LYST: variants seen among roughly 807,000 people sequenced by gnomAD.
LYST encodes the protein lysosomal trafficking regulator.
Under a neutral mutation model 413.6 loss-of-function variants are expected in LYST, and 192 were observed. The observed-to-expected ratio is 0.46, with a 90% CI of 0.41 to 0.52. The LOEUF (loss-of-function observed/expected upper bound fraction) is 0.52. Among genes scored for constraint, LYST ranks in the 20% least tolerant of loss-of-function variants. The pLI, the probability that LYST is intolerant of heterozygous loss-of-function variation, is 0.00. For synonymous variants in LYST, 1,525 were observed against 1,567.3 expected (o/e 0.97, Z 0.64); for missense variants, 3,815 against 4,499.9 (o/e 0.85, Z 4.35).
intron 5 of LYST, among the ~76,000 whole-genome samples, chr1:235,807,624 A>G (rs1177705363): frequency 6.6e-6 from 1 of 152,202 alleles, no homozygotes; most frequent in Non-Finnish European, 1.5e-5. Context: ...AGATATTGAT[A>G]GGTTATTTTT....
chr1:235,733,703 AT>A lies in LYST; in HGVS notation c.8613-13del. ...GACGCTGAAAGAGACTAAACAAATA[AT>A]AAGATTGTCCATAGTTAAGCATACA... On this transcript the variant is annotated splice_polypyrimidine_tract_variant and intron_variant, in intron 33 of 52. Coordinates refer to ENST00000389793, the MANE Select transcript of LYST (RefSeq NM_000081.4). 1 of 1,605,672 alleles carries A rather than the reference AT, an allele frequency of 6.2e-7. No individual in the cohort carries two copies.
chr1:235,838,610 TA>T (rs1676835444), intron 1 of LYST, among the ~76,000 whole-genome samples: 1 of 152,238 alleles, frequency 6.6e-6, no homozygotes, highest in Non-Finnish European at 1.5e-5. Flanking sequence ...TTTTAAATTT[TA>T]GAACATTATT....
chr1:235,861,874 CTTCAT>C (rs1679923863), intron 1 of LYST, among the ~76,000 whole-genome samples: 1 of 152,186 alleles, frequency 6.6e-6, no homozygotes, highest in East Asian at 1.9e-4. Context: ...TTTAGAAGAT[CTTCAT>C]TTAACATGTG....
chr1:235,721,884 T>C (rs1180184688), intron 39 of LYST, among the ~76,000 whole-genome samples: 1 of 152,210 alleles, frequency 6.6e-6, no homozygotes, highest in Non-Finnish European at 1.5e-5. Context: ...AAGTAAAGAC[T>C]TGGCATTCTA....
intron 3 of LYST, among the ~76,000 whole-genome samples, chr1:235,824,849 G>A (rs1424320482): frequency 6.6e-6 from 1 of 151,958 alleles, no homozygotes; most frequent in African/African-American, 2.4e-5. Context: ...GTGAAACCCC[G>A]TCTCTACTAA....
intron 38 of LYST, among the ~76,000 whole-genome samples, chr1:235,726,164 G>T (rs1663848356): frequency 6.6e-6 from 1 of 151,764 alleles, no homozygotes; most frequent in Non-Finnish European, 1.5e-5. Context: ...TTACTCTTCT[G>T]TGTTGACTAA....
chr1:235,687,438 G>A (rs540745866), intron 47 of LYST, among the ~76,000 whole-genome samples: 3 of 152,020 alleles, frequency 2.0e-5, no homozygotes, highest in Non-Finnish European at 4.4e-5. Flanking sequence ...TATTTTCCTC[G>A]TTTTATGTCT....
Position 235,733,696 on chromosome 1 carries a change from A to G in LYST, c.8613-5T>C. 5 of 1,609,120 alleles carry G rather than the reference A, an allele frequency of 3.1e-6. No homozygotes were observed. Among genetic ancestry groups the G allele is most frequent in the Non-Finnish European group, 4.3e-6 (5 of 1,175,520 alleles). On this transcript the variant is annotated splice_polypyrimidine_tract_variant and splice_region_variant and intron_variant, in intron 33 of 52. Coordinates refer to ENST00000389793, the MANE Select transcript of LYST (RefSeq NM_000081.4). Reference sequence around the variant, plus strand: ...GAATCCAGACGCTGAAAGAGACTAAACAAATAATAAGATTGTCCATAGTTA... The same window carrying G: ...GAATCCAGACGCTGAAAGAGACTAAGCAAATAATAAGATTGTCCATAGTTA...
intron 3 of LYST, among the ~76,000 whole-genome samples, chr1:235,821,088 GAA>G (rs1674698656): frequency 6.6e-6 from 1 of 152,056 alleles, no homozygotes; most frequent in African/African-American, 2.4e-5. Context: ...ATATCAAATG[GAA>G]ATAGTAATAA....
chr1:235,799,931 T>C (rs1417798544), intron 10 of LYST, among the ~76,000 whole-genome samples: 1 of 13,308 alleles, frequency 7.5e-5, no homozygotes, highest in Non-Finnish European at 1.4e-4. Context: ...TGGAAGCCTT[T>C]TTTTTTTTTT....
chr1:235,758,677 C>T (rs1022986952), intron 23 of LYST, among the ~76,000 whole-genome samples: 6 of 152,254 alleles, frequency 3.9e-5, no homozygotes, highest in Admixed American at 2.0e-4. Flanking sequence ...TAAATCCTAT[C>T]GTTTCTCTGT....
intron 22 of LYST, among the ~76,000 whole-genome samples, chr1:235,762,140 T>C (rs1667659279): frequency 6.6e-6 from 1 of 152,052 alleles, no homozygotes; most frequent in Admixed American, 6.6e-5. Flanking sequence ...AAAAAAAGAT[T>C]CTGTTCAAAA....
intron 40 of LYST, among the ~76,000 whole-genome samples, chr1:235,718,722 A>G (rs1284853265): frequency 6.6e-6 from 1 of 152,192 alleles, no homozygotes; most frequent in Non-Finnish European, 1.5e-5. Flanking sequence ...TCCCTCATCA[A>G]CTAGGACTAT....
At chr1:235,705,143 T>C (rs1168196116) in intron 44 of LYST, among the ~76,000 whole-genome samples, 1 of 151,960 alleles carries the variant, frequency 6.6e-6, no homozygotes, top group Non-Finnish European at 1.5e-5. Context: ...GGTCAAGATA[T>C]TTGCCCTAAG....
chr1:235,870,379 A>G (rs1293183163), upstream of LYST, among the ~76,000 whole-genome samples: 2 of 152,186 alleles, frequency 1.3e-5, no homozygotes, highest in African/African-American at 4.8e-5. Flanking sequence ...GTGTTCTAAT[A>G]AAGCAAACGC....
intron 39 of LYST, among the ~76,000 whole-genome samples, chr1:235,721,192 G>GA (rs551546424): frequency 5.3e-5 from 8 of 149,698 alleles, no homozygotes; most frequent in Admixed American, 1.3e-4. Flanking sequence ...GATACTAAAA[G>GA]AAAAAAAAAT....
At chr1:235,712,825 T>C (rs561913506) in intron 42 of LYST, 2 of 984,912 alleles carry the variant, frequency 2.0e-6, no homozygotes, top group East Asian at 2.3e-4. Flanking sequence ...TTTTCCAGGG[T>C]AGACTATTAA....
At chr1:235,735,533 T>TA (rs1370875896) in intron 31 of LYST, 5 of 152,174 alleles carry the variant, frequency 3.3e-5, no homozygotes, top group Non-Finnish European at 5.9e-5. Context: ...TTACATGCTG[T>TA]AGATATTACA....
chr1:235,833,820 C>G (rs1297081167), intron 1 of LYST, among the ~76,000 whole-genome samples, 153 bp from the exon 2 acceptor site: 1 of 152,152 alleles, frequency 6.6e-6, no homozygotes, highest in African/African-American at 2.4e-5. Flanking sequence ...ATGCCTACTT[C>G]AAGAATTCCT....
Sources: allele counts gnomAD v4.1 joint callset (sites outside exome capture counted in the v4.1 genomes callset), GRCh38; gene constraint gnomAD v4.1.1; transcripts MANE v1.5; gene names NCBI Gene and HGNC (gene_info 2026-07-23, HGNC 2026-07-21).